Variants in CFAP97D2 observed in about 807,000 individuals in gnomAD.
CFAP97D2 encodes the protein CFAP97 domain containing 2.
Position 114,185,174 on chromosome 13 carries a change from C to T in CFAP97D2, c.90+5754C>T, listed in dbSNP as rs1307111738. On this transcript the variant is annotated intron_variant, in intron 1 of 4. Coordinates refer to ENST00000646158, the Ensembl canonical transcript of CFAP97D2. This position sits in a 1 kb window ranked among gnomAD's most constrained non-coding sequence, Gnocchi z 5.2. ...CCCAGGCCCAGGGCCTCCACCACTG[C>T]AGACTCTGGCCCCGTGTCACCGCTC... Among the ~76,000 whole-genome samples the T allele has an allele frequency of 1.3e-5, 2 of 152,192 alleles. No individual in the cohort carries two copies. The highest frequency in any genetic ancestry group is 2.9e-5 in the Non-Finnish European group (2 of 68,014).
chr13:114,197,528 G>A (rs1191401628), intron 2 of CFAP97D2, among the ~76,000 whole-genome samples: 1 of 152,060 alleles, frequency 6.6e-6, no homozygotes, highest in African/African-American at 2.4e-5. Flanking sequence ...GTTGTGGAGG[G>A]GGCTTAGAAT....
chr13:114,184,551 C>T (rs920660176), intron 1 of CFAP97D2, among the ~76,000 whole-genome samples: 1 of 152,160 alleles, frequency 6.6e-6, no homozygotes, highest in Admixed American at 6.5e-5. Flanking sequence ...CTCCTCCAGC[C>T]GGTAACCAGG....
chr13:114,181,036 T>A (rs1373919352), intron 1 of CFAP97D2, among the ~76,000 whole-genome samples: 2 of 152,128 alleles, frequency 1.3e-5, no homozygotes, highest in Non-Finnish European at 2.9e-5. Context: ...AGGTACTGGG[T>A]CCAAGGATGG....
In CFAP97D2 at chr13:114,207,493, C is replaced by T. The variant is rs149122638; in HGVS notation, c.291-4419C>T. On this transcript the variant is annotated intron_variant, in intron 3 of 4. Coordinates refer to ENST00000646158, the Ensembl canonical transcript of CFAP97D2. This position sits in a 1 kb window ranked among gnomAD's most constrained non-coding sequence, Gnocchi z 4.9. ...AGGCATTAGATTTTCATAAGGAACACGCAGCTTAGATCTCTCGAACGTGCA... is the reference window on the plus strand; with the variant it reads ...AGGCATTAGATTTTCATAAGGAACATGCAGCTTAGATCTCTCGAACGTGCA... Among the ~76,000 whole-genome samples the T allele has an allele frequency of 2.3e-3, 353 of 152,136 alleles. 3 individuals carry two copies. The Middle Eastern group carries it at 0.027, about 12-fold the overall frequency.
Position 114,187,064 on chromosome 13 carries a change from T to C in CFAP97D2, c.90+7644T>C, listed in dbSNP as rs567078327. Among the ~76,000 whole-genome samples the C allele has an allele frequency of 6.6e-6, 1 of 152,358 alleles. No individual in the cohort carries two copies. The highest frequency in any genetic ancestry group is 1.9e-4 in the East Asian group (1 of 5,192). ...GAGAGGTATTCAGATTATTTTGTAA[T>C]ATAAGTTACTCACACTACCTGTTAA... is the stretch of plus-strand genomic sequence containing the variant. On this transcript the variant is annotated intron_variant, in intron 1 of 4. Transcript: ENST00000646158. This position sits in a 1 kb window ranked among gnomAD's most constrained non-coding sequence, Gnocchi z 4.2.
chr13:114,181,358 T>A (rs2080831577), intron 1 of CFAP97D2, among the ~76,000 whole-genome samples: 1 of 152,106 alleles, frequency 6.6e-6, no homozygotes, highest in African/African-American at 2.4e-5. Context: ...AGGGGTATGC[T>A]GAGGGGCGTG....
intron 1 of CFAP97D2, among the ~76,000 whole-genome samples, chr13:114,182,120 A>G (rs1028276637): frequency 2.0e-5 from 3 of 150,016 alleles, no homozygotes; most frequent in Non-Finnish European, 4.4e-5. Flanking sequence ...TTTCAGCAAA[A>G]AGGAAAGTAG....
Position 114,207,979 on chromosome 13 carries a change from T to C in CFAP97D2, c.291-3933T>C, listed in dbSNP as rs1400814567. On this transcript the variant is annotated intron_variant, in intron 3 of 4. Transcript: ENST00000646158. The surrounding 1 kb of genome is among the most constrained non-coding windows in gnomAD (Gnocchi z 4.9). Reference sequence around the variant, plus strand: ...AAGAATCTGTAATCAATGCATCTCCTTGGGTCACTCGGCAGTTTCAACATT... The same window carrying C: ...AAGAATCTGTAATCAATGCATCTCCCTGGGTCACTCGGCAGTTTCAACATT... Among the ~76,000 whole-genome samples, 3 of 152,158 alleles carry C rather than the reference T, an allele frequency of 2.0e-5. No homozygotes were observed. The highest frequency in any genetic ancestry group is 2.9e-5 in the Non-Finnish European group (2 of 68,026).
intron 3 of CFAP97D2, among the ~76,000 whole-genome samples, chr13:114,202,166 C>A (rs188377270): frequency 1.3e-5 from 2 of 152,206 alleles, no homozygotes; most frequent in East Asian, 3.8e-4. Context: ...TTCCATCGTA[C>A]GGATCTATCA....
intron 1 of CFAP97D2, among the ~76,000 whole-genome samples, chr13:114,184,024 A>G (rs1173633838): frequency 6.6e-6 from 1 of 152,030 alleles, no homozygotes; most frequent in African/African-American, 2.4e-5. Context: ...GGTAGTATAT[A>G]CACGTAATCC....
In CFAP97D2 at chr13:114,207,418, C is replaced by A. The variant is rs975811279; in HGVS notation, c.291-4494C>A. On this transcript the variant is annotated intron_variant, in intron 3 of 4. Coordinates refer to ENST00000646158, the Ensembl canonical transcript of CFAP97D2. This position sits in a 1 kb window ranked among gnomAD's most constrained non-coding sequence, Gnocchi z 4.9. ...TGGGAGCCCTGAGTTTGTTTTCCTG[C>A]AACTAGATGGTCCCATCTAGGGATC... Among the ~76,000 whole-genome samples, 17 of 152,120 alleles carry A rather than the reference C, an allele frequency of 1.1e-4. No homozygotes were observed. The highest frequency in any genetic ancestry group is 4.1e-4 in the African/African-American group (17 of 41,406).
intron 1 of CFAP97D2, among the ~76,000 whole-genome samples, chr13:114,182,391 A>T (rs985236846): frequency 3.9e-5 from 6 of 152,126 alleles, no homozygotes; most frequent in Non-Finnish European, 8.8e-5. Flanking sequence ...ATACCGAGAC[A>T]TTCAGTTCCC....
intron 4 of CFAP97D2, among the ~76,000 whole-genome samples, chr13:114,221,522 A>G (rs1475204768): frequency 6.6e-6 from 1 of 152,256 alleles, no homozygotes; most frequent in African/African-American, 2.4e-5. Context: ...TGTTATTAGT[A>G]AATGCAAATG....
intron 4 of CFAP97D2, among the ~76,000 whole-genome samples, chr13:114,212,666 A>G (rs2080972805): frequency 6.6e-6 from 1 of 152,092 alleles, no homozygotes; most frequent in African/African-American, 2.4e-5. Context: ...TGGCTAACAC[A>G]GTGAAACCCT....
At chr13:114,193,072 A>G (rs1293840844) in intron 1 of CFAP97D2, among the ~76,000 whole-genome samples, 2 of 152,250 alleles carry the variant, frequency 1.3e-5, no homozygotes, top group Admixed American at 1.3e-4. Flanking sequence ...GATGCCTACT[A>G]TCTCTTACAA....
At chr13:114,201,797 G>A (rs914309824) in intron 3 of CFAP97D2, among the ~76,000 whole-genome samples, 6 of 152,202 alleles carry the variant, frequency 3.9e-5, no homozygotes, top group Non-Finnish European at 5.9e-5. Flanking sequence ...TAGCTAGCTG[G>A]TCAGCCAGTA....
chr13:114,184,185 A>G (rs1055167916), intron 1 of CFAP97D2, among the ~76,000 whole-genome samples: 8 of 152,216 alleles, frequency 5.3e-5, no homozygotes, highest in African/African-American at 1.9e-4. Context: ...CAAGGAACAA[A>G]CTAAAAAGCA....
intron 3 of CFAP97D2, among the ~76,000 whole-genome samples, chr13:114,208,714 G>A (rs933204886): frequency 2.0e-5 from 3 of 152,162 alleles, no homozygotes; most frequent in Non-Finnish European, 2.9e-5. Flanking sequence ...TCCTATCCAG[G>A]TTCATGGATG....
chr13:114,218,822 A>T (rs1390518667), intron 4 of CFAP97D2, among the ~76,000 whole-genome samples: 1 of 152,256 alleles, frequency 6.6e-6, no homozygotes, highest in Non-Finnish European at 1.5e-5. Context: ...CTGGCTAGCC[A>T]CATGTAGAAA....
Sources: gnomAD v4.1 joint callset for allele counts (sites outside exome capture counted in the v4.1 genomes callset) on GRCh38, gnomAD v4.1.1 for gene constraint, Gnocchi (gnomAD v3.1) non-coding constraint, MANE v1.5 for transcripts, NCBI Gene and HGNC (gene_info 2026-07-23, HGNC 2026-07-21) for gene names.